The following MTUS2 variants were observed in gnomAD, a reference collection of about 807,000 sequenced individuals.
MTUS2 encodes microtubule-associated tumor suppressor candidate 2.
In MTUS2, 40 loss-of-function variants were observed where a neutral mutation model predicts 114.1. The ratio of observed to expected loss-of-function variants is 0.35; its 90% CI spans 0.27 to 0.46. The LOEUF (loss-of-function observed/expected upper bound fraction) is 0.46, where lower values mean the gene tolerates loss of function less well. Among genes scored for constraint, MTUS2 ranks in the 20% least tolerant of loss-of-function variants. The pLI is 1.00. For missense variants in MTUS2, 1,679 were observed against 1,705.4 expected (o/e 0.98, Z 0.27); for synonymous variants, 688 against 672.0 (o/e 1.02, Z -0.37).
chr13:28,851,842 ACCGC>A (rs1876295920), intron 2 of MTUS2, among the ~76,000 whole-genome samples: 1 of 152,140 alleles, frequency 6.6e-6, no homozygotes, highest in Admixed American at 6.5e-5. Flanking sequence ...GGCCTGGGGC[ACCGC>A]TTCCTGGAGC....
intron 5 of MTUS2, among the ~76,000 whole-genome samples, chr13:29,152,903 C>T (rs1483053829): frequency 1.3e-5 from 2 of 152,144 alleles, no homozygotes; most frequent in African/African-American, 4.8e-5. Context: ...GGGGCAATCT[C>T]AGAGGCTGTC....
chr13:28,937,585 C>T (rs548622495), intron 2 of MTUS2, among the ~76,000 whole-genome samples: 2 of 152,300 alleles, frequency 1.3e-5, no homozygotes, highest in East Asian at 3.9e-4. Flanking sequence ...CAAGAACCCA[C>T]TGGAAGGAAC....
chr13:28,944,170 C>T (rs982310263), intron 2 of MTUS2, among the ~76,000 whole-genome samples: 3 of 151,888 alleles, frequency 2.0e-5, no homozygotes, highest in African/African-American at 7.2e-5. Flanking sequence ...TTCATATAAT[C>T]AGGGTAATTG....
intron 2 of MTUS2, among the ~76,000 whole-genome samples, chr13:28,972,793 A>G (rs949339225): frequency 3.3e-5 from 5 of 152,226 alleles, no homozygotes; most frequent in African/African-American, 9.6e-5. Flanking sequence ...ACAAAAACAC[A>G]GAAAATAATT....
chr13:29,211,432 G>T (rs1422650213), intron 5 of MTUS2, among the ~76,000 whole-genome samples: 5 of 152,408 alleles, frequency 3.3e-5, no homozygotes, highest in African/African-American at 9.6e-5. Flanking sequence ...GCTTCTGTGC[G>T]CCTATCTGTA....
At chr13:29,423,487 A>G (rs1443284897) in intron 8 of MTUS2, among the ~76,000 whole-genome samples, 1 of 152,216 alleles carries the variant, frequency 6.6e-6, no homozygotes, top group East Asian at 1.9e-4. Flanking sequence ...GAGTTGTGCT[A>G]AAAGGACAGA....
At chr13:29,334,957 G>A (rs113093868) in intron 7 of MTUS2, among the ~76,000 whole-genome samples, 11,445 of 152,122 alleles carry the variant, frequency 0.075, 1,352 homozygotes, top group African/African-American at 0.25. Flanking sequence ...TGATGATGGC[G>A]TTAACTGCAC....
intron 2 of MTUS2, among the ~76,000 whole-genome samples, chr13:28,975,490 GGCAGCATCGCCCTCCCCTGCA>G (rs1206273200): frequency 3.0e-3 from 26 of 8,536 alleles, no homozygotes; most frequent in South Asian, 7.5e-3. Flanking sequence ...CCTCCCCTGC[GGCAGCATCGCCCTCCCCTGCA>G]GCCCCCTGCC....
intron 2 of MTUS2, among the ~76,000 whole-genome samples, chr13:28,855,044 C>T (rs1383311033): frequency 6.6e-6 from 1 of 152,122 alleles, no homozygotes; most frequent in Non-Finnish European, 1.5e-5. Flanking sequence ...CCAGCTCTTC[C>T]TTCATTGGTT....
intron 2 of MTUS2, among the ~76,000 whole-genome samples, chr13:28,902,874 G>A (rs1283181364): frequency 6.6e-6 from 1 of 152,214 alleles, no homozygotes; most frequent in African/African-American, 2.4e-5. Flanking sequence ...CTGTTTTCTG[G>A]AAGATATTGT....
chr13:29,161,480 AAATT>A (rs1458633565), intron 5 of MTUS2, among the ~76,000 whole-genome samples: 1 of 151,820 alleles, frequency 6.6e-6, no homozygotes, highest in East Asian at 1.9e-4. Flanking sequence ...TATAAGAAAT[AAATT>A]AATTAGTAAT....
At chr13:29,125,732 ACT>A (rs1040199052) in intron 5 of MTUS2, among the ~76,000 whole-genome samples, 9 of 152,040 alleles carry the variant, frequency 5.9e-5, no homozygotes, top group Non-Finnish European at 1.2e-4. Context: ...TAAAAGGCAA[ACT>A]CTTTATTTCA....
intron 5 of MTUS2, among the ~76,000 whole-genome samples, chr13:29,219,561 C>G (rs1436578762): frequency 6.6e-6 from 1 of 152,174 alleles, no homozygotes; most frequent in African/African-American, 2.4e-5. Flanking sequence ...AGAGAGTTAG[C>G]CTGTCCTTTG....
At chr13:29,149,972 T>C (rs1015228513) in intron 5 of MTUS2, among the ~76,000 whole-genome samples, 3 of 152,190 alleles carry the variant, frequency 2.0e-5, no homozygotes, top group Non-Finnish European at 2.9e-5. Context: ...TTTGTTCTTT[T>C]TGATTAGGAT....
intron 5 of MTUS2, among the ~76,000 whole-genome samples, chr13:29,165,242 A>G (rs1197630300): frequency 1.3e-5 from 2 of 152,092 alleles, no homozygotes; most frequent in Non-Finnish European, 2.9e-5. Flanking sequence ...CCCCAGGGCC[A>G]TCCTTCCCTC....
chr13:29,416,082 A>ATTTTTTTTTTTTT (rs139281629), intron 8 of MTUS2, among the ~76,000 whole-genome samples: 1 of 127,734 alleles, frequency 7.8e-6, no homozygotes. Flanking sequence ...CACCCCACTA[A>ATTTTTTTTTTTTT]TTTTTTTTTT....
chr13:29,493,775 A>C (rs989433826), intron 12 of MTUS2, among the ~76,000 whole-genome samples: 1 of 152,228 alleles, frequency 6.6e-6, no homozygotes, highest in Non-Finnish European at 1.5e-5. Flanking sequence ...ACAAATCAGG[A>C]AAGTGACGGC....
At chr13:29,201,924 G>T (rs987312082) in intron 5 of MTUS2, among the ~76,000 whole-genome samples, 1 of 152,108 alleles carries the variant, frequency 6.6e-6, no homozygotes, top group African/African-American at 2.4e-5. Context: ...TTTGTCTCCG[G>T]CTGCCCTTAA....
intron 7 of MTUS2, among the ~76,000 whole-genome samples, chr13:29,356,824 C>T (rs1358113094): frequency 6.6e-6 from 1 of 152,084 alleles, no homozygotes; most frequent in African/African-American, 2.4e-5. Context: ...GCACTGGTGC[C>T]GGAGCCTTGA....
Sources: gnomAD v4.1 joint callset for allele counts (sites outside exome capture counted in the v4.1 genomes callset) on GRCh38, gnomAD v4.1.1 for gene constraint, MANE v1.5 for transcripts, NCBI Gene and HGNC (gene_info 2026-07-23, HGNC 2026-07-21) for gene names.